The following POM121 variants were observed in gnomAD, a reference collection of about 807,000 sequenced individuals.
POM121 encodes the protein nuclear envelope pore membrane protein POM 121.
In POM121, 32 loss-of-function variants were observed where a neutral mutation model predicts 81.3. That is an observed-to-expected ratio of 0.39 (90% CI 0.30 to 0.53). POM121 has a LOEUF of 0.53. POM121 is among the 20% of genes least tolerant of loss of function. POM121 has a pLI of 0.66. For missense variants in POM121, 1,138 were observed against 1,614.6 expected, an observed-to-expected ratio of 0.70 and a Z score of 5.06; for synonymous variants, 514 against 694.2, an observed-to-expected ratio of 0.74 and a Z score of 4.08.
upstream of POM121, among the ~76,000 whole-genome samples, chr7:72,922,122 AC>A (rs1794869373): frequency 6.6e-6 from 1 of 152,172 alleles, no homozygotes; most frequent in South Asian, 2.1e-4. Context: ...TTTAGTCTTT[AC>A]TAGATTACTA....
intron 3 of POM121, among the ~76,000 whole-genome samples, chr7:72,908,739 A>T (rs757003930): frequency 1.3e-4 from 20 of 152,208 alleles, no homozygotes; most frequent in Non-Finnish European, 2.1e-4. Context: ...AAAAGAATTC[A>T]GCGTTATTTC....
chr7:72,923,754 T>G (rs1330086046), upstream of POM121, among the ~76,000 whole-genome samples: 1 of 144,842 alleles, frequency 6.9e-6, no homozygotes, highest in Non-Finnish European at 1.5e-5. Context: ...CGCCCGCCAC[T>G]ACGCCCGGCT....
At chr7:72,948,777 G>T, downstream of POM121, 1 of 1,579,516 alleles carries the variant, frequency 6.3e-7, no homozygotes, top group Admixed American at 1.7e-5. Flanking sequence ...CTCAGGCCTC[G>T]GTGGGGCCGG....
intron 3 of POM121, among the ~76,000 whole-genome samples, chr7:72,905,918 T>C (rs782441714): frequency 2.6e-5 from 4 of 152,212 alleles, no homozygotes; most frequent in African/African-American, 9.7e-5. Context: ...TGTTTCTTTG[T>C]ATATTTTATA....
At chr7:72,938,435 C>G (rs1554499949) in intron 5 of POM121, among the ~76,000 whole-genome samples, 155 bp from the exon 6 acceptor site, 1 of 152,082 alleles carries the variant, frequency 6.6e-6, no homozygotes, top group Non-Finnish European at 1.5e-5. Flanking sequence ...AAGCGATCCT[C>G]CCACCTTGGC....
chr7:72,929,612 C>T (rs782407762), intron 4 of POM121, among the ~76,000 whole-genome samples: 3 of 152,158 alleles, frequency 2.0e-5, no homozygotes, highest in Non-Finnish European at 4.4e-5. Context: ...TAATGAACAT[C>T]CTTCACCTCC....
intron 4 of POM121, among the ~76,000 whole-genome samples, chr7:72,929,082 C>T (rs1444368629): frequency 1.3e-5 from 2 of 152,126 alleles, no homozygotes; most frequent in African/African-American, 4.8e-5. Context: ...GAAATTCATT[C>T]CCAGTGAAGC....
At chr7:72,895,931 A>G (rs1344556376) in intron 3 of POM121, among the ~76,000 whole-genome samples, 2 of 150,622 alleles carry the variant, frequency 1.3e-5, no homozygotes, top group Non-Finnish European at 2.9e-5. Flanking sequence ...AATCAAATCT[A>G]TCATTTACCT....
chr7:72,948,773 C>T (rs1554504005), downstream of POM121: 11 of 1,582,836 alleles, frequency 6.9e-6, no homozygotes, highest in Non-Finnish European at 9.5e-6. Flanking sequence ...CGTGCTCAGG[C>T]CTCGGTGGGG....
chr7:72,950,269 C>T (rs1797968492), downstream of POM121: 3 of 1,380,886 alleles, frequency 2.2e-6, no homozygotes, highest in Non-Finnish European at 2.0e-6. Context: ...ACGGTCCATT[C>T]ATGCAACAAA....
chr7:72,941,708 T>G (rs1177056657), intron 10 of POM121, 129 bp from the exon 11 acceptor site: 3 of 1,088,026 alleles, frequency 2.8e-6, no homozygotes, highest in Non-Finnish European at 3.9e-6. Flanking sequence ...TAGTGTAGAC[T>G]TAGCTGAGTT....
Position 72,925,220 on chromosome 7 carries a change from G to A in POM121, c.99G>A (p.Arg33=), listed in dbSNP as rs1795265528. Residue 33 remains arginine (R), a synonymous_variant, in exon 1 of 13, where the codon AGG becomes AGA. Transcript: ENST00000434423. ...GRGRGCGGPA[R]AVLLGLSLVG... The stretch of plus-strand genomic sequence containing the variant: ...GCCGGGGCTGCGGCGGGCCGGCCAG[G>A]GCGGTGCTCCTGGGCCTGTCGCTGG... 6.5e-7 allele frequency: 1 copy of A among 1,530,932 alleles called. No homozygotes were observed. The highest frequency in any genetic ancestry group is 1.4e-5 in the African/African-American group (1 of 72,498). 94.8% of individuals were successfully genotyped at this position (1,530,932 alleles called of 1,614,324 possible).
rs370981656 is a variant in POM121, at chr7:72,945,055, C to T, written c.3530-531C>T. 6.5e-4 allele frequency among the ~76,000 whole-genome samples: 99 copies of T among 151,962 alleles called. 3 individuals carry two copies. In the East Asian group the frequency reaches 0.012, roughly 19 times the overall value. ...GGGAGCACAGGGAGCTTCCTCTTGTCCGGGCCGGAGGCCAAGCCCTGAGAG... is the reference window on the plus strand; with the variant it reads ...GGGAGCACAGGGAGCTTCCTCTTGTTCGGGCCGGAGGCCAAGCCCTGAGAG... On this transcript the variant is annotated intron_variant, in intron 11 of 12. Coordinates refer to ENST00000434423, the MANE Select transcript of POM121 (RefSeq NM_001387691.1).
chr7:72,917,379 T>C (rs1419865259), intron 4 of POM121, among the ~76,000 whole-genome samples: 3 of 152,186 alleles, frequency 2.0e-5, no homozygotes, highest in African/African-American at 7.2e-5. Flanking sequence ...GGTGAAAGCT[T>C]AGGTCTTTCT....
downstream of POM121, chr7:72,948,472 C>T (rs1797854242): frequency 2.4e-5 from 39 of 1,613,458 alleles, no homozygotes; most frequent in Non-Finnish European, 3.3e-5. Flanking sequence ...AAGGAGTGAG[C>T]CCGGAGCCTC....
intron 4 of POM121, among the ~76,000 whole-genome samples, chr7:72,918,379 C>T (rs1359020063): frequency 1.3e-5 from 2 of 152,186 alleles, no homozygotes; most frequent in African/African-American, 4.8e-5. Flanking sequence ...CCAAGGAGCC[C>T]TTCTGGTGGC....
At chr7:72,927,384 G>A (rs1795564917) in intron 3 of POM121, among the ~76,000 whole-genome samples, 2 of 152,158 alleles carry the variant, frequency 1.3e-5, no homozygotes, top group African/African-American at 2.4e-5. Context: ...ATGAAAACTA[G>A]AGTTTGGTAG....
chr7:72,899,171 G>T (rs1220730823), intron 3 of POM121, among the ~76,000 whole-genome samples: 2 of 151,870 alleles, frequency 1.3e-5, no homozygotes, highest in Non-Finnish European at 2.9e-5. Flanking sequence ...TTTTAGTAGA[G>T]ATGGGGTTTC....
At position 72,938,600 on chromosome 7, in the gene POM121, G is replaced by T. The variant is rs781873890; in HGVS notation, c.1286G>T (p.Arg429Ile). The T allele has an allele frequency of 1.2e-5, 19 of 1,613,892 alleles. No homozygotes were observed. The highest frequency in any genetic ancestry group is 1.4e-5 in the Non-Finnish European group (17 of 1,179,816). Residue 429 changes from arginine (R) to isoleucine (I), a missense_variant, in exon 6 of 13, where the codon AGA becomes ATA. Arg to Ile is a moderately conservative substitution (Grantham distance 97). Transcript: ENST00000434423. ...CCTCTTGATTTTTAGCTCTGGAAGAGAAATGGCCCCAGTTCATCACCCTTC... is the reference window on the plus strand; with the variant it reads ...CCTCTTGATTTTTAGCTCTGGAAGATAAATGGCCCCAGTTCATCACCCTTC... ...STRGISQLWK[R>I]NGPSSSPFSS...
Sources: allele counts gnomAD v4.1 joint callset (sites outside exome capture counted in the v4.1 genomes callset), GRCh38; gene constraint gnomAD v4.1.1; transcripts MANE v1.5; gene names NCBI Gene and HGNC (gene_info 2026-07-23, HGNC 2026-07-21).